Variants in TMEM106A observed in about 807,000 individuals in gnomAD.
TMEM106A encodes the protein transmembrane protein 106A.
TMEM106A carries 22 observed loss-of-function variants against 25.1 expected under a neutral mutation model. That is an observed-to-expected ratio of 0.88 (90% CI 0.63 to 1.25). The LOEUF (loss-of-function observed/expected upper bound fraction) is 1.25, where lower values mean the gene tolerates loss of function less well. TMEM106A is among the 50% of genes most tolerant of loss of function. The probability of loss-of-function intolerance (pLI) is 0.00; values close to 1 mark genes in which losing one functional copy is unlikely to be tolerated. For missense variants in TMEM106A, 275 were observed against 318.1 expected (o/e 0.86, Z 1.03); for synonymous variants, 104 against 129.9 (o/e 0.80, Z 1.35).
At position 43,216,609 on chromosome 17, in the gene TMEM106A, C is replaced by A. The variant is rs761761916; in HGVS notation, c.570+20C>A. ...GAACAGGTGACTCCCCTCTCCCTGG[C>A]CAGCCCTGCCCACTGGTGTGTGGAT... On this transcript the variant is annotated intron_variant, in intron 6 of 8. Coordinates refer to ENST00000612339, the MANE Select transcript of TMEM106A (RefSeq NM_145041.4). 7 of 1,614,154 alleles carry A rather than the reference C, an allele frequency of 4.3e-6. No individual in the cohort carries two copies. The South Asian group carries it at 7.7e-5, about 18-fold the overall frequency.
rs1258859047 is a variant in TMEM106A at position 43,212,312 on chromosome 17, T to TAGAG, written c.-103_-100dup. On this transcript the variant is annotated 5_prime_UTR_variant, in exon 2 of 9. Transcript: ENST00000612339. ...AGCCCAGCCCAGCCCACTCTGCCCTTAGAGGCCCTTCTCCCCAAAGACGCA... is the reference window on the plus strand; with the variant it reads ...AGCCCAGCCCAGCCCACTCTGCCCTTAGAGAGAGGCCCTTCTCCCCAAAGACGCA... The TAGAG allele has an allele frequency of 1.3e-5, 2 of 152,562 alleles. No homozygotes were observed. Among genetic ancestry groups the TAGAG allele is most frequent in the African/African-American group, 4.8e-5 (2 of 41,448 alleles). 9.5% of individuals were successfully genotyped at this position (152,562 alleles called of 1,614,324 possible).
At position 43,216,683 on chromosome 17, in the gene TMEM106A, C is replaced by T; in HGVS notation, c.571-14C>T. On this transcript the variant is annotated splice_polypyrimidine_tract_variant and intron_variant, in intron 6 of 8. Coordinates refer to ENST00000612339, the MANE Select transcript of TMEM106A (RefSeq NM_145041.4). ...CTGGAGTTGGGGCTAACCCTGTGCC[C>T]ATTTGGTTGACAGATGTTTTACGCA... 1.2e-6 allele frequency: 2 copies of T among 1,614,186 alleles called. No homozygotes were observed. The highest frequency in any genetic ancestry group is 1.7e-6 in the Non-Finnish European group (2 of 1,180,006).
In TMEM106A at chr17:43,217,284, A is replaced by G; in HGVS notation, c.640A>G (p.Lys214Glu). The stretch of plus-strand genomic sequence containing the variant: ...CAAAATCTGTACCTGGCTGGAAATC[A>G]AAGTCCACCATGTGCTTTTGCACAT... ...TYKICTWLEI[K>E]VHHVLLHIQG... is the part of the protein sequence containing the mutation. The change falls in exon 8 of 9, where the codon AAA becomes GAA. Residue 214 changes from lysine (K) to glutamate (E), a missense_variant. By Grantham distance (56) the Lys-to-Glu change is moderately conservative. Coordinates refer to ENST00000612339, the MANE Select transcript of TMEM106A (RefSeq NM_145041.4). 1 of 1,614,098 alleles carries G rather than the reference A, an allele frequency of 6.2e-7. No individual in the cohort carries two copies. The highest frequency in any genetic ancestry group is 8.5e-7 in the Non-Finnish European group (1 of 1,179,926).
chr17:43,213,371 C>T, intron 3 of TMEM106A, 119 bp downstream of exon 3: 1 of 1,066,524 alleles, frequency 9.4e-7, no homozygotes, highest in South Asian at 1.4e-5. Context: ...CAGCTCTTGA[C>T]CTCCCAGTCT....
chr17:43,217,405 G>A (rs934328952), intron 8 of TMEM106A, 93 bp downstream of exon 8: 20 of 1,478,868 alleles, frequency 1.4e-5, no homozygotes, highest in East Asian at 9.1e-5. Flanking sequence ...CTTCCAAGCT[G>A]ACCCCATGAA....
chr17:43,217,182 G>A, intron 7 of TMEM106A, 77 bp from the exon 8 acceptor site: 3 of 1,464,866 alleles, frequency 2.0e-6, no homozygotes, highest in Non-Finnish European at 2.9e-6. Context: ...AGGAAACTGG[G>A]ACCTGCAGGC....
chr17:43,217,552 T>C, intron 8 of TMEM106A, 129 bp from the exon 9 acceptor site: 1 of 1,509,934 alleles, frequency 6.6e-7, no homozygotes, highest in Non-Finnish European at 8.9e-7. Flanking sequence ...CCAGGTACCT[T>C]GGCAGAGTGG....
At position 43,218,036 on chromosome 17, in the gene TMEM106A, G is replaced by T; in HGVS notation, c.*235G>T. The stretch of plus-strand genomic sequence containing the variant: ...CTTTCAGGGGCTGCCATCAGATTCT[G>T]CCCTTGGTTAGTTTTTTGTTTTTTT... On this transcript the variant is annotated 3_prime_UTR_variant, in exon 9 of 9. Coordinates refer to ENST00000612339, the MANE Select transcript of TMEM106A (RefSeq NM_145041.4). 1 of 565,366 alleles carries T rather than the reference G, an allele frequency of 1.8e-6. No individual in the cohort carries two copies. The highest frequency in any genetic ancestry group is 3.0e-6 in the Non-Finnish European group (1 of 335,878). 35.0% of individuals were successfully genotyped at this position (565,366 alleles called of 1,614,324 possible). A position where few individuals can be genotyped will look rare whatever the true frequency, so the allele number is the denominator to read the frequency against.
At chr17:43,211,955 T>G (rs945005988) in intron 1 of TMEM106A, 33 bp downstream of exon 1, 3 of 152,246 alleles carry the variant, frequency 2.0e-5, no homozygotes, top group African/African-American at 7.2e-5. Context: ...TATACCTACT[T>G]TACCTTTCGG....
intron 4 of TMEM106A, among the ~76,000 whole-genome samples, chr17:43,215,433 T>C (rs2057475873): frequency 6.6e-6 from 1 of 152,238 alleles, no homozygotes; most frequent in Admixed American, 6.5e-5. Context: ...GCTTTTGCCA[T>C]GTGCAGGGAC....
chr17:43,217,612 G>GA, intron 8 of TMEM106A, 69 bp from the exon 9 acceptor site: 1 of 1,596,126 alleles, frequency 6.3e-7, no homozygotes. Flanking sequence ...CCCACCCCCA[G>GA]ACAGTATAAT....
chr17:43,213,984 C>G (rs2057460755), intron 4 of TMEM106A, 93 bp downstream of exon 4: 1 of 1,310,176 alleles, frequency 7.6e-7, no homozygotes, highest in Admixed American at 1.9e-5. Context: ...TAATTTCTTC[C>G]TATTAGTTCT....
chr17:43,213,778 A>C, intron 3 of TMEM106A, 50 bp from the exon 4 acceptor site: 3 of 1,588,274 alleles, frequency 1.9e-6, no homozygotes, highest in Non-Finnish European at 2.6e-6. Context: ...CACAGTAAAT[A>C]TTTGTCACAG....
At chr17:43,215,453 GTA>G (rs1337812312) in intron 4 of TMEM106A, among the ~76,000 whole-genome samples, 4 of 152,238 alleles carry the variant, frequency 2.6e-5, no homozygotes, top group Middle Eastern at 3.4e-3. Flanking sequence ...CCTGTGATTA[GTA>G]TTTTTTCATA....
chr17:43,216,329 G>C lies in TMEM106A; in HGVS notation c.430-120G>C, dbSNP rs1478634835. 3.7e-6 allele frequency: 5 copies of C among 1,363,708 alleles called. No homozygotes were observed. In the African/African-American group the frequency reaches 5.8e-5, roughly 16 times the overall value. The allele number at this position is 1,363,708 out of a possible 1,614,324, so 84.5% of individuals were successfully genotyped here. A position where few individuals can be genotyped will look rare whatever the true frequency, so the allele number is the denominator to read the frequency against. On this transcript the variant is annotated intron_variant, in intron 5 of 8. Transcript: ENST00000612339. ...AAGGGGCTCCCAGTTTTCATCCTCT[G>C]CACCTGAAGCTTGTCATGGTAGATG...
At position 43,217,795 on chromosome 17, in the gene TMEM106A, A is replaced by G; in HGVS notation, c.783A>G (p.Pro261=). The change falls in exon 9 of 9, where the codon CCA becomes CCG. Residue 261 remains proline (P), a synonymous_variant. Transcript: ENST00000612339. ...TGCCCCACCAGCTGACCCCTCACCCACCATGACCTGTCTGCTGTCCCTGTA... is the reference window on the plus strand; with the variant it reads ...TGCCCCACCAGCTGACCCCTCACCCGCCATGACCTGTCTGCTGTCCCTGTA... ...ASVPHQLTPH[P]P The G allele has an allele frequency of 6.2e-7, 1 of 1,614,018 alleles. No individual in the cohort carries two copies. The highest frequency in any genetic ancestry group is 8.5e-7 in the Non-Finnish European group (1 of 1,179,972).
In TMEM106A at chr17:43,217,748, GACTGCCGAGGAA is replaced by G. The variant is rs753933783; in HGVS notation, c.739_750del (p.Cys247_Asn250del). On this transcript the variant is annotated inframe_deletion, in exon 9 of 9. Transcript: ENST00000612339. ...GGTCTTTCAGAGCTATGAATATGTG[GACTGCCGAGGAA>G]ACGCATCTGTGCCCCACCAGCTGAC... The G allele has an allele frequency of 1.5e-5, 25 of 1,614,138 alleles. No individual in the cohort carries two copies. In the South Asian group the frequency reaches 2.6e-4, roughly 17 times the overall value.
At chr17:43,216,055 G>T in intron 5 of TMEM106A, 114 bp downstream of exon 5, 4 of 1,364,970 alleles carry the variant, frequency 2.9e-6, no homozygotes, top group Non-Finnish European at 4.0e-6. Context: ...GCACCCAGAG[G>T]GTGTTGGGAG....
intron 4 of TMEM106A, among the ~76,000 whole-genome samples, chr17:43,215,100 G>A (rs543273109): frequency 1.2e-4 from 18 of 151,854 alleles, no homozygotes; most frequent in Admixed American, 3.3e-4. Flanking sequence ...AAAATTAGCC[G>A]GGCATAGTGG....
Sources: gnomAD v4.1 joint callset for allele counts (sites outside exome capture counted in the v4.1 genomes callset) on GRCh38, gnomAD v4.1.1 for gene constraint, MANE v1.5 for transcripts, NCBI Gene and HGNC (gene_info 2026-07-23, HGNC 2026-07-21) for gene names.